Variants in UBTD1 observed in about 807,000 individuals in gnomAD.
The protein encoded by UBTD1 is ubiquitin domain containing 1.
A neutral mutation model predicts 21.7 loss-of-function variants in UBTD1; 19 were observed. The observed-to-expected ratio is 0.87, with a 90% CI of 0.61 to 1.28. UBTD1 has a LOEUF of 1.28. Among genes scored for constraint, UBTD1 ranks in the 50% most tolerant of loss-of-function variants. The probability of loss-of-function intolerance (pLI) is 0.00; values close to 1 mark genes in which losing one functional copy is unlikely to be tolerated. For synonymous variants in UBTD1, 116 were observed against 135.1 expected (o/e 0.86, Z 0.98); for missense variants, 282 against 315.1 (o/e 0.89, Z 0.80).
At chr10:97,558,292 C>T (rs567118017) in intron 1 of UBTD1, among the ~76,000 whole-genome samples, 3 of 152,040 alleles carry the variant, frequency 2.0e-5, no homozygotes, top group Admixed American at 6.6e-5. Flanking sequence ...AATGGTTATG[C>T]GGGGATCTTC....
At position 97,517,246 on chromosome 10, in the gene UBTD1, C is replaced by T. The variant is rs1201921615; in HGVS notation, c.70+17973C>T. Among the ~76,000 whole-genome samples the T allele has an allele frequency of 3.3e-5, 5 of 152,084 alleles. No individual in the cohort carries two copies. The East Asian group carries it at 7.7e-4, about 23-fold the overall frequency. On this transcript the variant is annotated intron_variant, in intron 1 of 2. Coordinates refer to ENST00000370664, the MANE Select transcript of UBTD1 (RefSeq NM_024954.5). ...AGTGGTAGGGGCTCTGGGGAGGGGC[C>T]TGGCACAACTGGGGCTTGAGGAAGG... is the stretch of plus-strand genomic sequence containing the variant.
At chr10:97,560,692 T>C (rs1170315719) in intron 1 of UBTD1, among the ~76,000 whole-genome samples, 1 of 152,188 alleles carries the variant, frequency 6.6e-6, no homozygotes, top group Admixed American at 6.5e-5. Flanking sequence ...TAAGTTTTCC[T>C]GGTGTCACAG....
At chr10:97,508,551 G>T (rs970139773) in intron 1 of UBTD1, among the ~76,000 whole-genome samples, 17 of 152,180 alleles carry the variant, frequency 1.1e-4, no homozygotes, top group African/African-American at 4.1e-4. Context: ...AGTGCTCACA[G>T]CTCGTTCCAT....
chr10:97,539,586 C>T (rs1257549381), intron 1 of UBTD1, among the ~76,000 whole-genome samples: 1 of 151,180 alleles, frequency 6.6e-6, no homozygotes, highest in Non-Finnish European at 1.5e-5. Flanking sequence ...CAGAGAGAGG[C>T]CCCATTTCAA....
intron 1 of UBTD1, among the ~76,000 whole-genome samples, chr10:97,520,354 A>G (rs897500372): frequency 1.3e-5 from 2 of 152,160 alleles, no homozygotes; most frequent in African/African-American, 4.8e-5. Context: ...AATCTGAAGC[A>G]TCTGTCTGCA....
Position 97,567,254 on chromosome 10 carries a change from G to A in UBTD1, c.71-660G>A, listed in dbSNP as rs558196723. ...CCTGGCTAATTTTTAAAATTTTTTTGTAGAAACAGGGTTTTACCATGTTGC... is the reference window on the plus strand; with the variant it reads ...CCTGGCTAATTTTTAAAATTTTTTTATAGAAACAGGGTTTTACCATGTTGC... On this transcript the variant is annotated intron_variant, in intron 1 of 2. Transcript: ENST00000370664. Among the ~76,000 whole-genome samples, 402 of 151,054 alleles carry A rather than the reference G, an allele frequency of 2.7e-3. 3 individuals carry two copies. The highest frequency in any genetic ancestry group is 9.1e-3 in the African/African-American group (374 of 40,902).
chr10:97,542,217 G>A (rs1000706822), intron 1 of UBTD1, among the ~76,000 whole-genome samples: 1 of 152,186 alleles, frequency 6.6e-6, no homozygotes, highest in Non-Finnish European at 1.5e-5. Flanking sequence ...GCGGTGGGCA[G>A]GATGCGTCCT....
At chr10:97,505,760 T>A (rs2040396178) in intron 1 of UBTD1, among the ~76,000 whole-genome samples, 1 of 152,190 alleles carries the variant, frequency 6.6e-6, no homozygotes, top group Non-Finnish European at 1.5e-5. Context: ...TCAGAGAGGT[T>A]GTAAGATTAA....
At chr10:97,549,159 T>C (rs1053596127) in intron 1 of UBTD1, among the ~76,000 whole-genome samples, 5 of 152,228 alleles carry the variant, frequency 3.3e-5, no homozygotes, top group African/African-American at 4.8e-5. Flanking sequence ...ATTTTGTCTC[T>C]CTCATGGCCA....
At chr10:97,520,110 C>A (rs969079155) in intron 1 of UBTD1, among the ~76,000 whole-genome samples, 1 of 152,164 alleles carries the variant, frequency 6.6e-6, no homozygotes, top group Non-Finnish European at 1.5e-5. Flanking sequence ...TGTCTCAGTT[C>A]CTTCATCTGT....
chr10:97,559,634 G>A (rs2040683583), intron 1 of UBTD1, among the ~76,000 whole-genome samples: 1 of 151,994 alleles, frequency 6.6e-6, no homozygotes, highest in Non-Finnish European at 1.5e-5. Context: ...ATAAAACCTT[G>A]TAGACATATT....
intron 1 of UBTD1, among the ~76,000 whole-genome samples, chr10:97,504,244 C>T (rs1024122033): frequency 2.0e-5 from 3 of 152,140 alleles, no homozygotes; most frequent in Non-Finnish European, 4.4e-5. Context: ...CCTTGTCTCC[C>T]GACAGACTAT....
chr10:97,514,237 G>A (rs1410256722), intron 1 of UBTD1, among the ~76,000 whole-genome samples: 1 of 152,048 alleles, frequency 6.6e-6, no homozygotes, highest in Non-Finnish European at 1.5e-5. Context: ...CCCCAGACTT[G>A]GGACTCTTTC....
chr10:97,529,822 A>G (rs1174928220), intron 1 of UBTD1, among the ~76,000 whole-genome samples: 2 of 152,066 alleles, frequency 1.3e-5, no homozygotes, highest in Non-Finnish European at 2.9e-5. Flanking sequence ...CTTTGGCTTC[A>G]TTCTGACCAC....
At chr10:97,508,614 T>C (rs1364027806) in intron 1 of UBTD1, among the ~76,000 whole-genome samples, 1 of 151,974 alleles carries the variant, frequency 6.6e-6, no homozygotes, top group Non-Finnish European at 1.5e-5. Context: ...AAGAAGCTGG[T>C]AGGTCAGCTG....
intron 1 of UBTD1, among the ~76,000 whole-genome samples, chr10:97,537,987 G>A (rs1453195368): frequency 6.6e-6 from 1 of 151,770 alleles, no homozygotes; most frequent in Admixed American, 6.6e-5. Context: ...CACCACACCT[G>A]GCTAATTTTC....
chr10:97,528,617 G>A (rs1183312167), intron 1 of UBTD1, among the ~76,000 whole-genome samples: 2 of 92,678 alleles, frequency 2.2e-5, no homozygotes, highest in African/African-American at 8.0e-5. Context: ...CTGGCCGGGC[G>A]GGGGGCTGAA....
intron 1 of UBTD1, among the ~76,000 whole-genome samples, chr10:97,550,111 G>A (rs12240481): frequency 0.017 from 2,580 of 152,282 alleles, 72 homozygotes; most frequent in African/African-American, 0.057. Context: ...TTGGGACAAG[G>A]AGGCTCTTGT....
At chr10:97,514,648 C>CG (rs1218793623) in intron 1 of UBTD1, among the ~76,000 whole-genome samples, 2 of 152,020 alleles carry the variant, frequency 1.3e-5, no homozygotes, top group East Asian at 3.9e-4. Flanking sequence ...CCCGAGGAAC[C>CG]GGGGCAAGGT....
Sources: allele counts gnomAD v4.1 joint callset (sites outside exome capture counted in the v4.1 genomes callset), GRCh38; gene constraint gnomAD v4.1.1; transcripts MANE v1.5; gene names NCBI Gene and HGNC (gene_info 2026-07-23, HGNC 2026-07-21).